Variants in ARHGAP21 observed in about 807,000 individuals in gnomAD.
ARHGAP21 encodes rho GTPase-activating protein 21.
A neutral mutation model predicts 164.6 loss-of-function variants in ARHGAP21; 38 were observed. That is an observed-to-expected ratio of 0.23 (90% CI 0.18 to 0.30). The LOEUF is 0.30. ARHGAP21 is among the 10% of genes least tolerant of loss of function. The pLI is 1.00. For missense variants in ARHGAP21, 1,822 were observed against 2,370.7 expected, an observed-to-expected ratio of 0.77 and a Z score of 4.81; for synonymous variants, 766 against 857.9, an observed-to-expected ratio of 0.89 and a Z score of 1.87.
At chr10:24,704,211 T>G (rs1843984200) in intron 2 of ARHGAP21, among the ~76,000 whole-genome samples, 1 of 152,142 alleles carries the variant, frequency 6.6e-6, no homozygotes, top group Non-Finnish European at 1.5e-5. Context: ...CACCAAATAC[T>G]TTAAGTGGTG....
intron 2 of ARHGAP21, among the ~76,000 whole-genome samples, chr10:24,685,401 T>C (rs1029796965): frequency 6.6e-6 from 1 of 152,202 alleles, no homozygotes; most frequent in Non-Finnish European, 1.5e-5. Flanking sequence ...CTAGCTCTAT[T>C]AAGCATTTAT....
At chr10:24,630,733 C>T (rs1423635359) in intron 6 of ARHGAP21, among the ~76,000 whole-genome samples, 1 of 152,094 alleles carries the variant, frequency 6.6e-6, no homozygotes, top group Admixed American at 6.6e-5. Context: ...CCTCAAGGGA[C>T]CTGCCCACTT....
chr10:24,666,861 A>T, intron 4 of ARHGAP21, 124 bp downstream of exon 4: 1 of 615,120 alleles, frequency 1.6e-6, no homozygotes, highest in Non-Finnish European at 2.7e-6. Context: ...TATGACTCTC[A>T]CACCTAAGAA....
At chr10:24,603,859 A>T (rs1393098478) in intron 12 of ARHGAP21, among the ~76,000 whole-genome samples, 1 of 152,078 alleles carries the variant, frequency 6.6e-6, no homozygotes, top group Non-Finnish European at 1.5e-5. Context: ...TTAGCCAGGC[A>T]TGGCAGGCGC....
At chr10:24,617,394 A>G (rs2131136519) in intron 9 of ARHGAP21, among the ~76,000 whole-genome samples, 1 of 152,298 alleles carries the variant, frequency 6.6e-6, no homozygotes, top group South Asian at 2.1e-4. Flanking sequence ...AAACAGCCAC[A>G]GGTTGTAAGA....
At chr10:24,611,227 GC>G (rs2077246510) in intron 9 of ARHGAP21, among the ~76,000 whole-genome samples, 1 of 152,120 alleles carries the variant, frequency 6.6e-6, no homozygotes, top group African/African-American at 2.4e-5. Flanking sequence ...CGCAGTCAGG[GC>G]CCCTTATATT....
At chr10:24,678,063 A>G (rs1841432877) in intron 2 of ARHGAP21, among the ~76,000 whole-genome samples, 1 of 151,840 alleles carries the variant, frequency 6.6e-6, no homozygotes, top group African/African-American at 2.4e-5. Flanking sequence ...GGAGTTCGAG[A>G]CCAGCCTGGG....
At chr10:24,604,550 AATTG>A (rs1186908411) in intron 11 of ARHGAP21, among the ~76,000 whole-genome samples, 1 of 152,202 alleles carries the variant, frequency 6.6e-6, no homozygotes, top group Non-Finnish European at 1.5e-5. Context: ...AAACTTTCTT[AATTG>A]ATCTGGTAAA....
Position 24,633,492 on chromosome 10 carries a change from A to G in ARHGAP21, c.362-12T>C, listed in dbSNP as rs1221304877. ...TATAATTCGGTCACCTTCAAAGAGA[A>G]GTTAAAAAACAAATGAGAGATCCTG... On this transcript the variant is annotated splice_polypyrimidine_tract_variant and intron_variant, in intron 5 of 25. Transcript: ENST00000396432. The G allele has an allele frequency of 1.9e-6, 3 of 1,594,356 alleles. No homozygotes were observed. In the African/African-American group the frequency reaches 4.0e-5, roughly 21 times the overall value.
At chr10:24,721,111 G>C (rs1845883292) in intron 2 of ARHGAP21, among the ~76,000 whole-genome samples, 2 of 151,992 alleles carry the variant, frequency 1.3e-5, no homozygotes, top group African/African-American at 4.8e-5. Context: ...AAAATCTCTG[G>C]GCCCTTGGGA....
At chr10:24,651,864 G>C (rs1460630980) in intron 4 of ARHGAP21, among the ~76,000 whole-genome samples, 1 of 152,038 alleles carries the variant, frequency 6.6e-6, no homozygotes, top group African/African-American at 2.4e-5. Context: ...AATTCCAACA[G>C]AATTTTTTTC....
intron 8 of ARHGAP21, 63 bp from the exon 9 acceptor site, chr10:24,621,432 T>C (rs1468154451): frequency 3.3e-5 from 46 of 1,406,126 alleles, no homozygotes; most frequent in Non-Finnish European, 3.8e-5. Context: ...ATTTCCATTT[T>C]TACAGTGCAC....
At chr10:24,713,227 G>A (rs1204266345) in intron 2 of ARHGAP21, among the ~76,000 whole-genome samples, 1 of 152,142 alleles carries the variant, frequency 6.6e-6, no homozygotes, top group African/African-American at 2.4e-5. Context: ...TTGTACGAAG[G>A]GCAAAGAAGT....
chr10:24,595,673 A>C (rs1172709373), intron 19 of ARHGAP21, 44 bp downstream of exon 19: 1 of 1,560,554 alleles, frequency 6.4e-7, no homozygotes, highest in South Asian at 1.1e-5. Flanking sequence ...TCCAATTGTA[A>C]CTTGAACCAT....
intron 4 of ARHGAP21, among the ~76,000 whole-genome samples, chr10:24,652,977 A>G (rs544010776): frequency 6.6e-6 from 1 of 152,354 alleles, no homozygotes; most frequent in African/African-American, 2.4e-5. Context: ...TCATAGCTGC[A>G]TTGTTTGAAG....
chr10:24,587,087 T>C (rs1283854616), intron 25 of ARHGAP21, among the ~76,000 whole-genome samples: 2 of 152,172 alleles, frequency 1.3e-5, no homozygotes, highest in African/African-American at 4.8e-5. Context: ...AATTAAATCC[T>C]TACCACAGAA....
intron 7 of ARHGAP21, among the ~76,000 whole-genome samples, chr10:24,624,979 T>G (rs1422140809): frequency 3.6e-5 from 5 of 140,134 alleles, no homozygotes; most frequent in Non-Finnish European, 7.5e-5. Flanking sequence ...GTTTAACAGC[T>G]TGTATTTTAA....
intron 14 of ARHGAP21, 128 bp downstream of exon 14, chr10:24,600,517 AT>A: frequency 8.4e-7 from 1 of 1,194,282 alleles, no homozygotes; most frequent in Non-Finnish European, 1.1e-6. Context: ...TTTCCTTTTC[AT>A]CAACTGTTTT....
chr10:24,610,544 T>C (rs1388848936), intron 9 of ARHGAP21, among the ~76,000 whole-genome samples: 8 of 152,118 alleles, frequency 5.3e-5, no homozygotes, highest in Non-Finnish European at 1.2e-4. Flanking sequence ...AAAATTTTGC[T>C]TTGGAAAACA....
Sources: allele counts gnomAD v4.1 joint callset (sites outside exome capture counted in the v4.1 genomes callset), GRCh38; gene constraint gnomAD v4.1.1; transcripts MANE v1.5; gene names NCBI Gene and HGNC (gene_info 2026-07-23, HGNC 2026-07-21).